Variants in NAV1 observed in about 807,000 individuals in gnomAD.
NAV1 encodes pore membrane and/or filament interacting like protein 3.
Under a neutral mutation model 175.2 loss-of-function variants are expected in NAV1, and 18 were observed. That is an observed-to-expected ratio of 0.10 (90% CI 0.07 to 0.15). NAV1 has a LOEUF of 0.15. Among genes scored for constraint, NAV1 ranks in the 10% least tolerant of loss-of-function variants. The pLI is 1.00. For missense variants in NAV1, 1,731 were observed against 2,436.6 expected, an observed-to-expected ratio of 0.71 and a Z score of 6.10; for synonymous variants, 897 against 978.7, an observed-to-expected ratio of 0.92 and a Z score of 1.56.
chr1:201,761,719 A>G (rs773208205), intron 3 of NAV1, among the ~76,000 whole-genome samples: 5 of 152,240 alleles, frequency 3.3e-5, no homozygotes, highest in African/African-American at 4.8e-5. Context: ...TCAACCCTAC[A>G]TAAGTCATTC....
At chr1:201,765,789 T>C (rs1675178815) in intron 3 of NAV1, among the ~76,000 whole-genome samples, 1 of 152,346 alleles carries the variant, frequency 6.6e-6, no homozygotes, top group East Asian at 1.9e-4. Flanking sequence ...CAACAGATAC[T>C]CTAAAATGGT....
intron 1 of NAV1, among the ~76,000 whole-genome samples, chr1:201,573,055 C>T (rs1359637182): frequency 6.6e-6 from 1 of 152,204 alleles, no homozygotes; most frequent in Non-Finnish European, 1.5e-5. Context: ...GAAGAGCCCT[C>T]CTTCAAAAGT....
At chr1:201,762,561 C>T (rs2102638759) in intron 3 of NAV1, among the ~76,000 whole-genome samples, 1 of 152,352 alleles carries the variant, frequency 6.6e-6, no homozygotes, top group African/African-American at 2.4e-5. Flanking sequence ...TCTATTGGAA[C>T]ATAGCCGGAT....
intron 1 of NAV1, among the ~76,000 whole-genome samples, chr1:201,548,295 C>T (rs1344775624): frequency 6.6e-6 from 1 of 152,200 alleles, no homozygotes; most frequent in South Asian, 2.1e-4. Flanking sequence ...AAAGGTGTAA[C>T]TGCCAAGGCA....
chr1:201,631,939 T>C (rs1042794918), intron 2 of NAV1, among the ~76,000 whole-genome samples: 2 of 152,000 alleles, frequency 1.3e-5, no homozygotes, highest in African/African-American at 4.8e-5. Flanking sequence ...TTGGTGAAGG[T>C]ATGATTTGAA....
chr1:201,602,769 AG>A (rs1410035172), intron 2 of NAV1, among the ~76,000 whole-genome samples: 2 of 149,226 alleles, frequency 1.3e-5, no homozygotes, highest in East Asian at 3.9e-4. Flanking sequence ...GGCATGCTCC[AG>A]GGGGACAGGG....
At chr1:201,715,083 A>C (rs1672080060) in intron 2 of NAV1, among the ~76,000 whole-genome samples, 1 of 151,814 alleles carries the variant, frequency 6.6e-6, no homozygotes, top group Non-Finnish European at 1.5e-5. Flanking sequence ...ACCTAGAGCC[A>C]CTTCCTCTCA....
chr1:201,692,650 G>C (rs955828430), intron 1 of NAV1, among the ~76,000 whole-genome samples: 1 of 152,180 alleles, frequency 6.6e-6, no homozygotes, highest in African/African-American at 2.4e-5. Context: ...GAAGACAAAG[G>C]CTCACATATG....
chr1:201,728,599 C>CAAAAAA (rs1278753255), intron 3 of NAV1, among the ~76,000 whole-genome samples: 1 of 58,580 alleles, frequency 1.7e-5, no homozygotes, highest in Non-Finnish European at 3.8e-5. Context: ...CATCGCAAAA[C>CAAAAAA]AAAAAAAAAA....
intron 1 of NAV1, among the ~76,000 whole-genome samples, chr1:201,540,945 C>G (rs1403016534): frequency 1.3e-5 from 2 of 152,220 alleles, no homozygotes; most frequent in African/African-American, 2.4e-5. Context: ...TGGGCTCCAG[C>G]CCCTAGGGTC....
At chr1:201,649,369 A>C in exon 1 of NAV1, 7 of 1,606,406 alleles carry the variant, frequency 4.4e-6, no homozygotes, top group Non-Finnish European at 5.1e-6. Flanking sequence ...GTGGACCCCG[A>C]GCTGGTGGTG....
intron 1 of NAV1, among the ~76,000 whole-genome samples, chr1:201,709,539 G>C (rs1206330343): frequency 6.6e-6 from 1 of 152,090 alleles, no homozygotes; most frequent in Admixed American, 6.6e-5. Flanking sequence ...TACCACCCCG[G>C]GAATGTGTCT....
At chr1:201,781,191 A>G (rs754074287) in exon 5 of NAV1, 59 of 1,613,992 alleles carry the variant, frequency 3.7e-5, no homozygotes, top group Non-Finnish European at 4.7e-5. Context: ...CCAAGGGTGG[A>G]GAACTGAAAA....
chr1:201,735,827 TG>T (rs913942785), intron 3 of NAV1, among the ~76,000 whole-genome samples: 2 of 152,280 alleles, frequency 1.3e-5, no homozygotes, highest in African/African-American at 2.4e-5. Context: ...GTAGGGTCAT[TG>T]GGGGATCTGG....
At chr1:201,754,751 A>C (rs574992795) in intron 3 of NAV1, among the ~76,000 whole-genome samples, 4 of 152,304 alleles carry the variant, frequency 2.6e-5, no homozygotes, top group African/African-American at 9.6e-5. Context: ...TATGCTAGAA[A>C]ATTTTTTATT....
chr1:201,561,115 G>A (rs1053907303), intron 1 of NAV1, among the ~76,000 whole-genome samples: 1 of 152,212 alleles, frequency 6.6e-6, no homozygotes, highest in African/African-American at 2.4e-5. Flanking sequence ...ACCACAGCTT[G>A]CCTCTGTGGT....
intron 1 of NAV1, among the ~76,000 whole-genome samples, chr1:201,668,855 G>A (rs75782354): frequency 0.024 from 3,599 of 152,218 alleles, 66 homozygotes; most frequent in Middle Eastern, 0.065. Flanking sequence ...CATTAGCTGC[G>A]TTGGGGTCAC....
intron 2 of NAV1, among the ~76,000 whole-genome samples, chr1:201,607,124 T>C (rs1667707225): frequency 1.4e-5 from 2 of 144,336 alleles, no homozygotes; most frequent in African/African-American, 2.6e-5. Flanking sequence ...TCTTTTTTTT[T>C]TTTTTTTTTG....
chr1:201,654,380 A>C, intron 1 of NAV1, among the ~76,000 whole-genome samples: 1 of 151,136 alleles, frequency 6.6e-6, no homozygotes, highest in Non-Finnish European at 1.5e-5. Context: ...TGTGGCTGCA[A>C]ATGCCCACCC....
Sources: gnomAD v4.1 joint callset for allele counts (sites outside exome capture counted in the v4.1 genomes callset) on GRCh38, gnomAD v4.1.1 for gene constraint, MANE v1.5 for transcripts, NCBI Gene and HGNC (gene_info 2026-07-23, HGNC 2026-07-21) for gene names.